PIK3CD: variants seen among roughly 807,000 people sequenced by gnomAD.
The protein encoded by PIK3CD is phosphatidylinositol 4,5-bisphosphate 3-kinase catalytic subunit delta isoform.
In PIK3CD, 20 loss-of-function variants were observed where a neutral mutation model predicts 122.9. That is an observed-to-expected ratio of 0.16 (90% CI 0.11 to 0.24). PIK3CD has a LOEUF of 0.24. Ranked by LOEUF, PIK3CD falls within the 10% of genes least tolerant of loss-of-function variation. PIK3CD has a pLI of 1.00. For missense variants in PIK3CD, 787 were observed against 1,406.3 expected (o/e 0.56, Z 7.04); for synonymous variants, 596 against 593.4 (o/e 1.00, Z -0.06).
At position 9,707,500 on chromosome 1, in the gene PIK3CD, C is replaced by T. The variant is rs138944205; in HGVS notation, c.-32-2924C>T. 7.6e-4 allele frequency among the ~76,000 whole-genome samples: 115 copies of T among 152,092 alleles called. 1 individual carries two copies. In the East Asian group the frequency reaches 0.021, roughly 27 times the overall value. Reference sequence around the variant, plus strand: ...CTAGTACCCATGAGTTATTCTTCCTCATCCTCTCCCGACTCCCACCCTCCA... The same window carrying T: ...CTAGTACCCATGAGTTATTCTTCCTTATCCTCTCCCGACTCCCACCCTCCA... On this transcript the variant is annotated intron_variant, in intron 2 of 23. Coordinates refer to ENST00000377346, the MANE Select transcript of PIK3CD (RefSeq NM_005026.5).
intron 2 of PIK3CD, among the ~76,000 whole-genome samples, chr1:9,696,900 A>T (rs548569659): frequency 1.3e-4 from 20 of 152,228 alleles, no homozygotes; most frequent in Non-Finnish European, 1.6e-4. Context: ...GTTTGCATCC[A>T]GCCTGGGCAA....
intron 1 of PIK3CD, among the ~76,000 whole-genome samples, chr1:9,678,801 A>G (rs557730240): frequency 6.6e-6 from 1 of 152,306 alleles, no homozygotes; most frequent in South Asian, 2.1e-4. Flanking sequence ...CCTCTTAAAG[A>G]AGACATTGCA....
intron 1 of PIK3CD, among the ~76,000 whole-genome samples, chr1:9,665,812 G>A (rs997106965): frequency 1.3e-5 from 2 of 151,916 alleles, no homozygotes; most frequent in African/African-American, 2.4e-5. Flanking sequence ...GGAGTGCAGT[G>A]GTGCGATCTC....
the PIK3CD span, among the ~76,000 whole-genome samples, chr1:9,640,628 G>T: frequency 2.0e-5 from 3 of 152,080 alleles, no homozygotes; most frequent in East Asian, 5.8e-4. Flanking sequence ...TGGTGTGCTG[G>T]TGCATTCTCC....
rs1461817232 is a variant in PIK3CD, at chr1:9,653,967, A to G, written c.-138+2165A>G. 3.0e-6 allele frequency: 4 copies of G among 1,349,520 alleles called. No homozygotes were observed. In the Admixed American group the frequency reaches 8.3e-5, roughly 28 times the overall value. The allele number at this position is 1,349,520 out of a possible 1,614,324, so 83.6% of individuals were successfully genotyped here. ...ATACCTGTCATCCCAGTGCTTTGGG[A>G]GGCCCAGACGGGAGGATCACTTGAA... On this transcript the variant is annotated intron_variant, in intron 1 of 23. Transcript: ENST00000377346.
intron 1 of PIK3CD, among the ~76,000 whole-genome samples, chr1:9,666,227 C>CTTTTTT (rs573382597): frequency 0.023 from 1,003 of 44,216 alleles, 224 homozygotes; most frequent in East Asian, 0.067. Context: ...CGCGCCCGGT[C>CTTTTTT]TTTTTTTTTT....
In PIK3CD at chr1:9,720,398, T is replaced by C. The variant is rs1179841024; in HGVS notation, c.1470+156T>C. 7.3e-7 allele frequency: 1 copy of C among 1,367,672 alleles called. No individual in the cohort carries two copies. The highest frequency in any genetic ancestry group is 2.5e-5 in the East Asian group (1 of 39,556). The allele number at this position is 1,367,672 out of a possible 1,614,324, so 84.7% of individuals were successfully genotyped here. ...CCAGGGGCCATTTTGCCTGCAGGGA[T>C]GCTGCGCAGTCTGATGACATTTTCG... On this transcript the variant is annotated intron_variant, in intron 11 of 23. Transcript: ENST00000377346. The surrounding 1 kb of genome is among the most constrained non-coding windows in gnomAD (Gnocchi z 9.0).
intron 2 of PIK3CD, among the ~76,000 whole-genome samples, chr1:9,699,070 G>A (rs915071509): frequency 2.6e-5 from 4 of 152,026 alleles, no homozygotes; most frequent in Non-Finnish European, 4.4e-5. Flanking sequence ...GTGATGCACA[G>A]TGCAGTGATT....
At chr1:9,644,268 C>T in the PIK3CD span, among the ~76,000 whole-genome samples, 1 of 152,044 alleles carries the variant, frequency 6.6e-6, no homozygotes, top group African/African-American at 2.4e-5. Flanking sequence ...AATCCCAGCA[C>T]TTTGGGGGGC....
chr1:9,695,571 C>T (rs140247689), intron 2 of PIK3CD, among the ~76,000 whole-genome samples: 2,158 of 152,292 alleles, frequency 0.014, 24 homozygotes, highest in South Asian at 0.027. Context: ...AGGCCAGGCG[C>T]AATGGCTCAC....
Position 9,720,138 on chromosome 1 carries a change from A to G in PIK3CD, c.1366A>G (p.Thr456Ala), listed in dbSNP as rs28730674. The change falls in exon 11 of 24, where the codon ACG becomes GCG. Residue 456 changes from threonine to alanine, a missense_variant. Around this residue, in one of 6 missense-constraint regions of PIK3CD, gnomAD observed 592 missense variants for 920.6 expected, o/e 0.64. Transcript: ENST00000377346. This position sits in a 1 kb window ranked among gnomAD's most constrained non-coding sequence, Gnocchi z 9.0. ...PDEKGELLNP[T>A]GTVRSNPNTD... ...TGAGAAGGGCGAGCTGCTGAACCCC[A>G]CGGGCACTGTGCGCAGTAACCCCAA... 3.2e-3 allele frequency: 5,197 copies of G among 1,613,142 alleles called. 98 individuals are homozygous for G. In the East Asian group the frequency reaches 0.047, roughly 15 times the overall value.
chr1:9,722,251 C>T lies in PIK3CD; in HGVS notation c.2242C>T (p.Gln748Ter), dbSNP rs1557672535. 1 of 1,613,214 alleles carries T rather than the reference C, an allele frequency of 6.2e-7. No individual in the cohort carries two copies. Among genetic ancestry groups the T allele is most frequent in the South Asian group, 1.1e-5 (1 of 91,012 alleles). ...STLLAEVCVE[Q>*]CTFMDSKMKP... ...CGCTCTCTGGCCTGGCAGCGTGGAG[C>T]AGTGCACCTTCATGGACTCCAAGAT... is the stretch of plus-strand genomic sequence containing the variant. The change falls in exon 18 of 24, where the codon CAG (glutamine) becomes TAG (stop). Residue 748 changes from glutamine to a stop codon, truncating the protein, a stop_gained. Coordinates refer to ENST00000377346, the MANE Select transcript of PIK3CD (RefSeq NM_005026.5). LOFTEE classifies it high-confidence loss of function. The surrounding 1 kb of genome is among the most constrained non-coding windows in gnomAD (Gnocchi z 7.6).
At chr1:9,629,431 G>A in the PIK3CD span, among the ~76,000 whole-genome samples, 10 of 151,952 alleles carry the variant, frequency 6.6e-5, no homozygotes, top group Non-Finnish European at 1.0e-4. Flanking sequence ...GATGTGCTGA[G>A]AAGCCAGAAA....
the PIK3CD span, among the ~76,000 whole-genome samples, chr1:9,635,937 C>T: frequency 6.6e-6 from 1 of 152,220 alleles, no homozygotes; most frequent in Non-Finnish European, 1.5e-5. Flanking sequence ...AAACACTTGC[C>T]CATCCAAGGT....
In PIK3CD at chr1:9,717,572, G is replaced by T. The variant is rs769665281; in HGVS notation, c.966G>T (p.Pro322=). 1 of 1,614,092 alleles carries T rather than the reference G, an allele frequency of 6.2e-7. No homozygotes were observed. Among genetic ancestry groups the T allele is most frequent in the Admixed American group, 1.7e-5 (1 of 60,022 alleles). ...TGTCCCTGTGGTCCCTGGAGCAGCC[G>T]TTCCGCATCGAGCTCATCCAGGGCA... is the stretch of plus-strand genomic sequence containing the variant. The part of the protein sequence containing the change: ...SSVSLWSLEQ[P]FRIELIQGSK... The change falls in exon 8 of 24, where the codon CCG becomes CCT. Residue 322 remains proline, a synonymous_variant. Coordinates refer to ENST00000377346, the MANE Select transcript of PIK3CD (RefSeq NM_005026.5). The surrounding 1 kb of genome is among the most constrained non-coding windows in gnomAD (Gnocchi z 5.4).
At position 9,710,305 on chromosome 1, in the gene PIK3CD, G is replaced by A. The variant is rs556735557; in HGVS notation, c.-32-119G>A. The A allele has an allele frequency of 2.9e-4, 239 of 837,730 alleles. No homozygotes were observed. Among genetic ancestry groups the A allele is most frequent in the Admixed American group, 1.2e-3 (67 of 56,392 alleles). 51.9% of individuals were successfully genotyped at this position (837,730 alleles called of 1,614,324 possible). On this transcript the variant is annotated intron_variant, in intron 2 of 23. Transcript: ENST00000377346. This position sits in a 1 kb window ranked among gnomAD's most constrained non-coding sequence, Gnocchi z 4.7. ...GGTGAGCTTTTTGTACCCGCAGGTC[G>A]GGAACTCACTCCTGAGCTTCCTGCT...
the PIK3CD span, among the ~76,000 whole-genome samples, chr1:9,637,702 G>A: frequency 6.6e-6 from 1 of 152,062 alleles, no homozygotes; most frequent in African/African-American, 2.4e-5. Context: ...CTCTGTGGGA[G>A]ACTAAAATCT....
At chr1:9,663,381 T>G (rs866850675) in intron 1 of PIK3CD, among the ~76,000 whole-genome samples, 10 of 152,206 alleles carry the variant, frequency 6.6e-5, no homozygotes, top group Middle Eastern at 3.4e-3. Context: ...AGGAACATGC[T>G]AGATCCAGCC....
intron 1 of PIK3CD, among the ~76,000 whole-genome samples, chr1:9,673,262 A>T (rs952461900): frequency 6.6e-6 from 1 of 151,270 alleles, no homozygotes; most frequent in Non-Finnish European, 1.5e-5. Flanking sequence ...TAATTTTTTT[A>T]TTTTTTTAAT....
Sources: gnomAD v4.1 joint callset for allele counts (sites outside exome capture counted in the v4.1 genomes callset) on GRCh38, gnomAD v4.1.1 for gene constraint, gnomAD v4.1.1 regional missense constraint, Gnocchi (gnomAD v3.1) non-coding constraint, MANE v1.5 for transcripts, NCBI Gene and HGNC (gene_info 2026-07-23, HGNC 2026-07-21) for gene names.